Variants in ZNF431 observed in about 807,000 individuals in gnomAD.
ZNF431 encodes zinc finger protein 431.
A neutral mutation model predicts 57.0 loss-of-function variants in ZNF431; 34 were observed. The observed-to-expected ratio is 0.60, with a 90% CI of 0.45 to 0.79. ZNF431 has a LOEUF of 0.79. Ranked by LOEUF, ZNF431 falls within the 30% of genes least tolerant of loss-of-function variation. The pLI is 0.00. For missense variants in ZNF431, 607 were observed against 667.1 expected (o/e 0.91, Z 0.99); for synonymous variants, 207 against 220.3 (o/e 0.94, Z 0.54).
rs1433047747 is a variant in ZNF431, at chr19:21,192,315, C to T, written c.*8281C>T. On this transcript the variant is annotated 3_prime_UTR_variant, in exon 5 of 5. Transcript: ENST00000311048. Reference sequence around the variant, plus strand: ...TCCTAAGTAGCTGAAACTACAGGCGCCTCCTACTACACCCAGCTAATTTTT... The same window carrying T: ...TCCTAAGTAGCTGAAACTACAGGCGTCTCCTACTACACCCAGCTAATTTTT... The T allele has an allele frequency of 1.3e-5, 2 of 152,076 alleles. No homozygotes were observed. The highest frequency in any genetic ancestry group is 6.6e-5 in the Admixed American group (1 of 15,250). 9.4% of individuals were successfully genotyped at this position (152,076 alleles called of 1,614,324 possible). A position where few individuals can be genotyped will look rare whatever the true frequency, so the allele number is the denominator to read the frequency against.
In ZNF431 at chr19:21,185,028, A is replaced by T. The variant is rs1347648930; in HGVS notation, c.*994A>T. On this transcript the variant is annotated 3_prime_UTR_variant, in exon 5 of 5. Coordinates refer to ENST00000311048, the MANE Select transcript of ZNF431 (RefSeq NM_133473.4). ...CAAATATAATAAATTTGGAAAAACA[A>T]TTTTTCAAAAACTACAGCTTAGAAA... 6.6e-6 allele frequency: 1 copy of T among 152,164 alleles called. No homozygotes were observed. The highest frequency in any genetic ancestry group is 2.4e-5 in the African/African-American group (1 of 41,450). The allele number at this position is 152,164 out of a possible 1,614,324, so 9.4% of individuals were successfully genotyped here.
At chr19:21,173,032 G>A (rs1172355687) in intron 4 of ZNF431, among the ~76,000 whole-genome samples, 1 of 151,944 alleles carries the variant, frequency 6.6e-6, no homozygotes, top group African/African-American at 2.4e-5. Context: ...TTTTGTTTCT[G>A]GCTTATTTCA....
chr19:21,166,637 T>C (rs1389933594), intron 3 of ZNF431, among the ~76,000 whole-genome samples, 176 bp downstream of exon 3: 1 of 152,206 alleles, frequency 6.6e-6, no homozygotes, highest in Non-Finnish European at 1.5e-5. Flanking sequence ...TGTTTCATCT[T>C]GATCTGAACT....
chr19:21,149,167 C>T (rs1344584933), intron 2 of ZNF431, among the ~76,000 whole-genome samples: 1 of 151,948 alleles, frequency 6.6e-6, no homozygotes, highest in Non-Finnish European at 1.5e-5. Context: ...TCTTTATAAC[C>T]TTTGTATATG....
At chr19:21,155,943 A>G (rs910001558) in intron 2 of ZNF431, among the ~76,000 whole-genome samples, 1 of 152,066 alleles carries the variant, frequency 6.6e-6, no homozygotes, top group African/African-American at 2.4e-5. Context: ...TCCTGCCAGG[A>G]TTGAAGAGGA....
rs754691560 is a variant in ZNF431, at chr19:21,189,157, A to T, written c.*5123A>T. On this transcript the variant is annotated 3_prime_UTR_variant, in exon 5 of 5. Transcript: ENST00000311048. ...GAACGTAATATTTTGAAGTATATAT[A>T]TAGTTAAATTATTATTTCTAGGTAA... The T allele has an allele frequency of 4.6e-5, 7 of 152,270 alleles. No homozygotes were observed. The highest frequency in any genetic ancestry group is 2.6e-4 in the Admixed American group (4 of 15,290). The allele number at this position is 152,270 out of a possible 1,614,324, so 9.4% of individuals were successfully genotyped here. A position where few individuals can be genotyped will look rare whatever the true frequency, so the allele number is the denominator to read the frequency against.
chr19:21,162,592 A>G (rs750777644), intron 2 of ZNF431: 15 of 396,874 alleles, frequency 3.8e-5, no homozygotes, highest in Non-Finnish European at 4.8e-5. Flanking sequence ...AGGCATGACC[A>G]CCACACCCGA....
chr19:21,166,349 T>G lies in ZNF431; in HGVS notation c.111T>G (p.Phe37Leu). 1.2e-6 allele frequency: 2 copies of G among 1,613,312 alleles called. No individual in the cohort carries two copies. The highest frequency in any genetic ancestry group is 1.7e-6 in the Non-Finnish European group (2 of 1,179,804). ...GTGTTTTTCAGGAGACATTGACATTTAGGGATGTGGCCATAGAATTCTCTC... is the reference window on the plus strand; with the variant it reads ...GTGTTTTTCAGGAGACATTGACATTGAGGGATGTGGCCATAGAATTCTCTC... ...YSYFEKETLT[F>L]RDVAIEFSLE... The change falls in exon 3 of 5, where the codon TTT becomes TTG. Residue 37 changes from phenylalanine to leucine, a missense_variant. Physicochemically the swap from Phe to Leu is conservative, Grantham distance 22. Transcript: ENST00000311048.
Position 21,195,972 on chromosome 19 carries a change from ATTCGATTTATAT to A in ZNF431, c.*11941_*11952del, listed in dbSNP as rs577267379. On this transcript the variant is annotated 3_prime_UTR_variant, in exon 5 of 5. Transcript: ENST00000311048. ...AGATATTATCATCAGTGTATTCATG[ATTCGATTTATAT>A]TTTGTGTTATCTGGTTATAAATTTT... 2.0e-5 allele frequency: 3 copies of A among 152,106 alleles called. No homozygotes were observed. Among genetic ancestry groups the A allele is most frequent in the Non-Finnish European group, 4.4e-5 (3 of 68,016 alleles). 9.4% of individuals were successfully genotyped at this position (152,106 alleles called of 1,614,324 possible). A position where few individuals can be genotyped will look rare whatever the true frequency, so the allele number is the denominator to read the frequency against.
chr19:21,142,145 C>A lies in ZNF431; in HGVS notation c.-39C>A. On this transcript the variant is annotated 5_prime_UTR_variant, in exon 1 of 5. Transcript: ENST00000311048. ...CCTGTGACCTGCAGGTATTGGGAGA[C>A]CCACAGCTAAGACACCGGGACCCCC... 1 of 1,611,822 alleles carries A rather than the reference C, an allele frequency of 6.2e-7. No individual in the cohort carries two copies. Among genetic ancestry groups the A allele is most frequent in the Non-Finnish European group, 8.5e-7 (1 of 1,178,558 alleles).
At chr19:21,145,877 C>T (rs1006824983) in intron 2 of ZNF431, among the ~76,000 whole-genome samples, 13 of 151,880 alleles carry the variant, frequency 8.6e-5, no homozygotes, top group African/African-American at 2.2e-4. Context: ...GCAAATGAAC[C>T]GTGAAAAATC....
At chr19:21,169,863 G>A (rs1970831783) in intron 4 of ZNF431, 1 of 398,554 alleles carries the variant, frequency 2.5e-6, no homozygotes. Flanking sequence ...ACTGCTTCAG[G>A]GACCACAGTA....
intron 2 of ZNF431, among the ~76,000 whole-genome samples, chr19:21,157,789 A>G (rs534604084): frequency 6.6e-6 from 1 of 151,870 alleles, no homozygotes; most frequent in African/African-American, 2.4e-5. Flanking sequence ...CGGCCTCCCA[A>G]AGTGCTGGGA....
chr19:21,168,887 T>C (rs139748410), intron 4 of ZNF431, among the ~76,000 whole-genome samples: 34 of 152,240 alleles, frequency 2.2e-4, no homozygotes, highest in Admixed American at 1.8e-3. Flanking sequence ...AGTTACTGAC[T>C]GTATTTATTA....
intron 4 of ZNF431, among the ~76,000 whole-genome samples, chr19:21,178,859 C>G (rs1198507564): frequency 6.6e-6 from 1 of 151,478 alleles, no homozygotes; most frequent in Non-Finnish European, 1.5e-5. Flanking sequence ...TCTGCCAGGT[C>G]TTGATATCAG....
intron 4 of ZNF431, among the ~76,000 whole-genome samples, chr19:21,174,496 G>A (rs900462090): frequency 6.6e-6 from 1 of 151,916 alleles, no homozygotes; most frequent in Non-Finnish European, 1.5e-5. Flanking sequence ...ATATAATATC[G>A]TGTTTGTCCT....
intron 3 of ZNF431, among the ~76,000 whole-genome samples, 164 bp downstream of exon 3, chr19:21,166,625 C>T (rs891047725): frequency 5.3e-5 from 8 of 152,060 alleles, no homozygotes; most frequent in East Asian, 1.9e-4. Context: ...ATTTCTTCAA[C>T]GTGTTTCATC....
At chr19:21,159,796 C>G (rs769580024) in intron 2 of ZNF431, among the ~76,000 whole-genome samples, 6 of 152,100 alleles carry the variant, frequency 3.9e-5, no homozygotes, top group Non-Finnish European at 7.4e-5. Flanking sequence ...TTGTCTGGTC[C>G]TGTTCTTTTT....
intron 2 of ZNF431, among the ~76,000 whole-genome samples, chr19:21,155,870 T>TG (rs1358736948): frequency 6.6e-6 from 1 of 152,120 alleles, no homozygotes; most frequent in East Asian, 1.9e-4. Context: ...TGTCTGCAAA[T>TG]GGGAGGCTCT....
Sources: gnomAD v4.1 joint callset for allele counts (sites outside exome capture counted in the v4.1 genomes callset) on GRCh38, gnomAD v4.1.1 for gene constraint, MANE v1.5 for transcripts, NCBI Gene and HGNC (gene_info 2026-07-23, HGNC 2026-07-21) for gene names.